The following ATP9B variants were observed in gnomAD, a reference collection of about 807,000 sequenced individuals.
ATP9B encodes the protein ATPase phospholipid transporting 9B, also known as probable phospholipid-transporting ATPase IIB.
A neutral mutation model predicts 146.1 loss-of-function variants in ATP9B; 110 were observed. That is an observed-to-expected ratio of 0.75 (90% CI 0.65 to 0.88). The LOEUF (loss-of-function observed/expected upper bound fraction) is 0.88. Among genes scored for constraint, ATP9B ranks in the 40% least tolerant of loss-of-function variants. The probability of loss-of-function intolerance (pLI) is 0.00; values close to 1 mark genes in which losing one functional copy is unlikely to be tolerated. For synonymous variants in ATP9B, 604 were observed against 569.7 expected (o/e 1.06, Z -0.86); for missense variants, 1,499 against 1,496.4 (o/e 1.00, Z -0.03).
intron 11 of ATP9B, among the ~76,000 whole-genome samples, chr18:79,251,280 C>T (rs940212319): frequency 3.3e-5 from 5 of 152,200 alleles, no homozygotes; most frequent in Non-Finnish European, 1.5e-5. Flanking sequence ...CTCGGCACAC[C>T]AGTCCCATGG....
chr18:79,323,485 C>G (rs965730552), intron 15 of ATP9B, among the ~76,000 whole-genome samples: 2 of 152,184 alleles, frequency 1.3e-5, no homozygotes, highest in African/African-American at 2.4e-5. Flanking sequence ...CTCTGGTAAC[C>G]ATCATTCTAC....
intron 1 of ATP9B, among the ~76,000 whole-genome samples, chr18:79,091,017 A>G (rs2074276067): frequency 6.6e-6 from 1 of 152,196 alleles, no homozygotes; most frequent in South Asian, 2.1e-4. Context: ...CAGTTTTCCC[A>G]GCACCATTTA....
chr18:79,220,572 G>A (rs562528671), intron 11 of ATP9B, among the ~76,000 whole-genome samples: 1 of 152,246 alleles, frequency 6.6e-6, no homozygotes, highest in African/African-American at 2.4e-5. Context: ...CTGCACTCCA[G>A]CCTGGGCAGC....
At chr18:79,274,780 C>A (rs1223287152) in intron 12 of ATP9B, among the ~76,000 whole-genome samples, 1 of 152,194 alleles carries the variant, frequency 6.6e-6, no homozygotes, top group Non-Finnish European at 1.5e-5. Context: ...TCATGAGTAG[C>A]TACTGCTTTA....
At chr18:79,272,656 C>T (rs1427838488) in intron 12 of ATP9B, among the ~76,000 whole-genome samples, 1 of 152,236 alleles carries the variant, frequency 6.6e-6, no homozygotes, top group Non-Finnish European at 1.5e-5. Flanking sequence ...GGATATGCTC[C>T]TCTCCCTGAG....
intron 12 of ATP9B, among the ~76,000 whole-genome samples, chr18:79,268,213 A>C (rs2096223037): frequency 6.6e-6 from 1 of 151,938 alleles, no homozygotes; most frequent in African/African-American, 2.4e-5. Context: ...TTTTACTTCC[A>C]ACTTCTCTGT....
Position 79,345,478 on chromosome 18 carries a change from C to T in ATP9B, c.2523C>T (p.Cys841=). ...EHEFVELACQ[C]PAVVCCRCSP... ...AATTTGTGGAGCTGGCCTGCCAGTG[C>T]CCTGCCGTGGTTTGCTGCCGCTGCT... The change falls in exon 22 of 30, where the codon TGC becomes TGT. Residue 841 remains cysteine (C), a synonymous_variant. Coordinates refer to ENST00000426216, the MANE Select transcript of ATP9B (RefSeq NM_198531.5). 16 of 1,613,932 alleles carry T rather than the reference C, an allele frequency of 9.9e-6. No homozygotes were observed. The highest frequency in any genetic ancestry group is 1.4e-5 in the Non-Finnish European group (16 of 1,180,048).
intron 14 of ATP9B, among the ~76,000 whole-genome samples, chr18:79,306,130 A>G (rs2096619136): frequency 6.6e-6 from 1 of 152,230 alleles, no homozygotes; most frequent in South Asian, 2.1e-4. Context: ...TTTGATGGGC[A>G]GGAGATTCAC....
intron 11 of ATP9B, among the ~76,000 whole-genome samples, chr18:79,245,007 T>C (rs1260463262): frequency 1.3e-5 from 2 of 152,180 alleles, no homozygotes; most frequent in Non-Finnish European, 2.9e-5. Context: ...GTGTGTGCCT[T>C]GTAAAGAAGC....
At chr18:79,252,551 C>T (rs984883826) in intron 11 of ATP9B, among the ~76,000 whole-genome samples, 4 of 152,210 alleles carry the variant, frequency 2.6e-5, no homozygotes, top group Non-Finnish European at 5.9e-5. Context: ...TTCAGAAGAG[C>T]TGTATTCTCT....
chr18:79,076,905 T>G (rs1568366902), intron 1 of ATP9B, among the ~76,000 whole-genome samples: 1 of 115,648 alleles, frequency 8.6e-6, no homozygotes, highest in Non-Finnish European at 1.8e-5. Flanking sequence ...TTCTTCCTCG[T>G]TTTTTTAGTT....
chr18:79,256,282 T>C lies in ATP9B; in HGVS notation c.1268+2741T>C, dbSNP rs1341276744. 1.8e-4 allele frequency among the ~76,000 whole-genome samples: 23 copies of C among 129,276 alleles called. 1 individual carries two copies. Among genetic ancestry groups the C allele is most frequent in the Admixed American group, 1.1e-3 (15 of 13,150 alleles). The allele number at this position is 129,276 out of a possible 152,430, so 84.8% of individuals were successfully genotyped here. A position where few individuals can be genotyped will look rare whatever the true frequency, so the allele number is the denominator to read the frequency against. ...CTATATATATATATATATATATATA[T>C]ATATACATACATAGTGAGGCTATGT... On this transcript the variant is annotated intron_variant, in intron 12 of 29. Transcript: ENST00000426216.
At chr18:79,340,913 CTGTG>C (rs1465337839) in intron 19 of ATP9B, among the ~76,000 whole-genome samples, 1 of 152,224 alleles carries the variant, frequency 6.6e-6, no homozygotes, top group Non-Finnish European at 1.5e-5. Context: ...CAAACCCTGA[CTGTG>C]TGCCGCCTTG....
chr18:79,276,721 ATAT>A (rs1271895120), intron 12 of ATP9B, among the ~76,000 whole-genome samples: 1 of 152,268 alleles, frequency 6.6e-6, no homozygotes, highest in Non-Finnish European at 1.5e-5. Context: ...TCACCTACAA[ATAT>A]TATCTTGGGT....
intron 7 of ATP9B, among the ~76,000 whole-genome samples, chr18:79,174,537 A>G (rs1469589414): frequency 6.6e-6 from 1 of 152,124 alleles, no homozygotes; most frequent in East Asian, 1.9e-4. Flanking sequence ...CGCTTGGTAC[A>G]GGTGTCTCTC....
At chr18:79,157,414 A>AAAC (rs1568297281) in intron 7 of ATP9B, among the ~76,000 whole-genome samples, 1 of 145,232 alleles carries the variant, frequency 6.9e-6, no homozygotes, top group African/African-American at 2.5e-5. Flanking sequence ...AAAAAAAAAA[A>AAAC]AAAAAAAAAA....
intron 13 of ATP9B, among the ~76,000 whole-genome samples, chr18:79,281,446 G>A (rs556071822): frequency 9.2e-5 from 14 of 151,920 alleles, no homozygotes; most frequent in African/African-American, 3.1e-4. Context: ...CTGGTGAGGC[G>A]AGATCACGCC....
At chr18:79,264,827 T>C (rs372662385) in intron 12 of ATP9B, among the ~76,000 whole-genome samples, 2 of 152,184 alleles carry the variant, frequency 1.3e-5, no homozygotes, top group East Asian at 3.9e-4. Context: ...ATGGGCCTGT[T>C]TTGGTTACCT....
chr18:79,093,598 T>A (rs528838315), intron 1 of ATP9B, among the ~76,000 whole-genome samples: 6 of 152,350 alleles, frequency 3.9e-5, no homozygotes, highest in South Asian at 2.1e-4. Context: ...TGGGAAGCTT[T>A]TGTCCATTTT....
Sources: allele counts gnomAD v4.1 joint callset (sites outside exome capture counted in the v4.1 genomes callset), GRCh38; gene constraint gnomAD v4.1.1; transcripts MANE v1.5; gene names NCBI Gene and HGNC (gene_info 2026-07-23, HGNC 2026-07-21).